The following DCC variants were observed in gnomAD, a reference collection of about 807,000 sequenced individuals.
DCC encodes the protein netrin receptor DCC.
Under a neutral mutation model 172.5 loss-of-function variants are expected in DCC, and 58 were observed. The ratio of observed to expected loss-of-function variants is 0.34; its 90% CI spans 0.27 to 0.42. The LOEUF is 0.42. Ranked by LOEUF, DCC falls within the 10% of genes least tolerant of loss-of-function variation. The pLI is 1.00. For synonymous variants in DCC, 709 were observed against 644.5 expected (o/e 1.10, Z -1.52); for missense variants, 1,740 against 1,791.0 (o/e 0.97, Z 0.51).
chr18:52,922,871 A>T (rs1315845537), intron 3 of DCC, among the ~76,000 whole-genome samples: 1 of 152,048 alleles, frequency 6.6e-6, no homozygotes, highest in Non-Finnish European at 1.5e-5. Context: ...AACTTTGTGA[A>T]TTTTTTGCTT....
At chr18:52,684,472 A>C (rs2035797793) in intron 1 of DCC, among the ~76,000 whole-genome samples, 1 of 151,994 alleles carries the variant, frequency 6.6e-6, no homozygotes, top group African/African-American at 2.4e-5. Flanking sequence ...CATTGCCTGA[A>C]TTCAATATGC....
intron 1 of DCC, among the ~76,000 whole-genome samples, chr18:52,600,469 GT>G (rs1568249396): frequency 6.6e-6 from 1 of 151,984 alleles, no homozygotes; most frequent in Non-Finnish European, 1.5e-5. Flanking sequence ...TTTTCAAAAA[GT>G]TTTTTGCCTT....
Position 53,239,994 on chromosome 18 carries a change from C to T in DCC, c.1911+24397C>T, listed in dbSNP as rs1420845533. On this transcript the variant is annotated intron_variant, in intron 12 of 28. Coordinates refer to ENST00000442544, the MANE Select transcript of DCC (RefSeq NM_005215.4). ...AGAATGGTGAGAAAATATAAAAAAA[C>T]ATTTAGACATTCAAAATTCTAGTTC... Among the ~76,000 whole-genome samples, 13 of 54,828 alleles carry T rather than the reference C, an allele frequency of 2.4e-4. No individual in the cohort carries two copies. The East Asian group carries it at 6.2e-3, about 26-fold the overall frequency. The allele number at this position is 54,828 out of a possible 152,430, so 36.0% of individuals were successfully genotyped here. A position where few individuals can be genotyped will look rare whatever the true frequency, so the allele number is the denominator to read the frequency against.
At position 53,146,201 on chromosome 18, in the gene DCC, A is replaced by T. The variant is rs369313494; in HGVS notation, c.1262-11155A>T. On this transcript the variant is annotated intron_variant, in intron 7 of 28. Coordinates refer to ENST00000442544, the MANE Select transcript of DCC (RefSeq NM_005215.4). ...ATGCCACTGTACTCTAGCCTGGGTG[A>T]CAGAACAAGACTCTGTCTCCAAAAA... Among the ~76,000 whole-genome samples the T allele has an allele frequency of 5.3e-5, 8 of 152,296 alleles. No homozygotes were observed. The East Asian group carries it at 1.3e-3, about 26-fold the overall frequency.
chr18:53,385,761 G>C (rs942039610), intron 15 of DCC, among the ~76,000 whole-genome samples: 19 of 152,184 alleles, frequency 1.2e-4, no homozygotes, highest in South Asian at 8.3e-4. Context: ...TGTATATTAG[G>C]GTTCGAGGGC....
At chr18:52,633,347 G>A (rs1007216417) in intron 1 of DCC, among the ~76,000 whole-genome samples, 6 of 152,144 alleles carry the variant, frequency 3.9e-5, no homozygotes, top group African/African-American at 7.2e-5. Flanking sequence ...GAGGTACGCT[G>A]GCACTGAAGA....
intron 5 of DCC, among the ~76,000 whole-genome samples, chr18:52,932,188 G>A (rs1324314612): frequency 1.3e-5 from 2 of 152,056 alleles, no homozygotes; most frequent in Non-Finnish European, 2.9e-5. Context: ...AGTCAAAAGT[G>A]GTATTTTTCC....
At chr18:52,999,056 CAGTG>C (rs1555694183) in intron 5 of DCC, among the ~76,000 whole-genome samples, 1 of 152,066 alleles carries the variant, frequency 6.6e-6, no homozygotes, top group Non-Finnish European at 1.5e-5. Flanking sequence ...GCTATGGACA[CAGTG>C]AGTATTCAAC....
Position 53,530,647 on chromosome 18 carries a change from C to A in DCC, c.4338C>A (p.Ala1446=). The A allele has an allele frequency of 2.5e-6, 4 of 1,572,796 alleles. No homozygotes were observed. Among genetic ancestry groups the A allele is most frequent in the Non-Finnish European group, 1.8e-6 (2 of 1,142,354 alleles). Residue 1446 remains alanine, a synonymous_variant, in exon 29 of 29, where the codon GCC becomes GCA. Transcript: ENST00000442544. ...AGCTTAATGCCATCACAGGCTCAGC[C>A]TTTTAACATGTATTTCTGAATGGAT... ...MKQLNAITGS[A]F is the part of the protein sequence containing the mutation.
intron 5 of DCC, among the ~76,000 whole-genome samples, chr18:52,963,371 T>C (rs907098926): frequency 6.6e-6 from 1 of 151,946 alleles, no homozygotes; most frequent in African/African-American, 2.4e-5. Flanking sequence ...TATATAAATA[T>C]ATATTATGTA....
chr18:53,438,272 G>T (rs189531286), intron 22 of DCC, among the ~76,000 whole-genome samples: 12 of 152,292 alleles, frequency 7.9e-5, no homozygotes, highest in Admixed American at 7.8e-4. Context: ...ATGAGAGAGA[G>T]AAATTAACCT....
chr18:53,026,544 C>T (rs924566375), intron 5 of DCC, among the ~76,000 whole-genome samples: 5 of 152,012 alleles, frequency 3.3e-5, no homozygotes, highest in Admixed American at 6.6e-5. Context: ...GCTACCACAA[C>T]CTGTCTTTAA....
intron 5 of DCC, among the ~76,000 whole-genome samples, chr18:52,947,040 T>C (rs143132167): frequency 0.014 from 2,082 of 152,268 alleles, 59 homozygotes; most frequent in African/African-American, 0.048. Flanking sequence ...CTTATCTCAA[T>C]ATCGATCCCA....
At position 53,331,484 on chromosome 18, in the gene DCC, C is replaced by T. The variant is rs563645615; in HGVS notation, c.2165-8229C>T. ...AATAGTTGAAGCTGGTATCCTTAAA[C>T]TCTAAAGTGAGAGAACAATCCCCAG... On this transcript the variant is annotated intron_variant, in intron 14 of 28. Coordinates refer to ENST00000442544, the MANE Select transcript of DCC (RefSeq NM_005215.4). Among the ~76,000 whole-genome samples, 4 of 152,298 alleles carry T rather than the reference C, an allele frequency of 2.6e-5. No individual in the cohort carries two copies. In the South Asian group the frequency reaches 6.2e-4, roughly 24 times the overall value.
At chr18:52,587,414 T>C (rs1044546454) in intron 1 of DCC, among the ~76,000 whole-genome samples, 3 of 152,176 alleles carry the variant, frequency 2.0e-5, no homozygotes, top group African/African-American at 7.2e-5. Flanking sequence ...ATTATTAAAA[T>C]CCTCCTCTGC....
chr18:52,995,404 T>C (rs1343133006), intron 5 of DCC, among the ~76,000 whole-genome samples: 1 of 152,154 alleles, frequency 6.6e-6, no homozygotes, highest in Non-Finnish European at 1.5e-5. Context: ...TAACTTCATT[T>C]TGAGGCAGTT....
chr18:53,122,708 G>C (rs2043500143), intron 7 of DCC, among the ~76,000 whole-genome samples: 1 of 152,012 alleles, frequency 6.6e-6, no homozygotes, highest in Admixed American at 6.6e-5. Flanking sequence ...CTGAAAGAGT[G>C]AATGTCACAG....
At chr18:52,760,095 A>G (rs939287026) in intron 2 of DCC, among the ~76,000 whole-genome samples, 1 of 152,172 alleles carries the variant, frequency 6.6e-6, no homozygotes, top group Non-Finnish European at 1.5e-5. Flanking sequence ...AAGACTGGGT[A>G]GTTTATAAAG....
At chr18:52,926,894 CAT>C (rs1210265938) in intron 5 of DCC, among the ~76,000 whole-genome samples, 107 of 121,368 alleles carry the variant, frequency 8.8e-4, no homozygotes, top group Middle Eastern at 6.7e-3. Flanking sequence ...CACACACATA[CAT>C]ATGTGTGTAT....
Sources: gnomAD v4.1 joint callset for allele counts (sites outside exome capture counted in the v4.1 genomes callset) on GRCh38, gnomAD v4.1.1 for gene constraint, MANE v1.5 for transcripts, NCBI Gene and HGNC (gene_info 2026-07-23, HGNC 2026-07-21) for gene names.